The following FBXL17 variants were observed in gnomAD, a reference collection of about 807,000 sequenced individuals.
FBXL17 encodes the protein F-box and leucine rich repeat protein 17.
In FBXL17, 22 loss-of-function variants were observed where a neutral mutation model predicts 66.2. The observed-to-expected ratio is 0.33, with a 90% CI of 0.24 to 0.47. FBXL17 has a LOEUF of 0.47. Ranked by LOEUF, FBXL17 falls within the 20% of genes least tolerant of loss-of-function variation. FBXL17 has a pLI of 1.00. For missense variants in FBXL17, 878 were observed against 948.2 expected, an observed-to-expected ratio of 0.93 and a Z score of 0.97; for synonymous variants, 474 against 400.5, an observed-to-expected ratio of 1.18 and a Z score of -2.19.
intron 4 of FBXL17, among the ~76,000 whole-genome samples, chr5:108,265,528 G>A (rs1317147781): frequency 2.6e-5 from 4 of 151,912 alleles, no homozygotes; most frequent in Non-Finnish European, 4.4e-5. Flanking sequence ...GATTTCCAAT[G>A]TTCAACTGTA....
chr5:108,219,629 G>A lies in FBXL17; in HGVS notation c.1614+4492C>T, dbSNP rs927462894. ...TTGAACCCGAGAGGTGGAGGTTGCA[G>A]TGAGCCAAGATCCCATTACACTCCA... is the stretch of plus-strand genomic sequence containing the variant. On this transcript the variant is annotated intron_variant, in intron 5 of 8. Transcript: ENST00000542267. Among the ~76,000 whole-genome samples, 3 of 152,082 alleles carry A rather than the reference G, an allele frequency of 2.0e-5. No homozygotes were observed. In the East Asian group the frequency reaches 5.8e-4, roughly 29 times the overall value.
chr5:108,066,343 C>T (rs1278172575), intron 6 of FBXL17, among the ~76,000 whole-genome samples: 1 of 152,090 alleles, frequency 6.6e-6, no homozygotes, highest in Non-Finnish European at 1.5e-5. Flanking sequence ...TAAACGCCCA[C>T]ATTAGCATTG....
chr5:108,208,149 C>A (rs1394281404), intron 5 of FBXL17, among the ~76,000 whole-genome samples: 2 of 152,278 alleles, frequency 1.3e-5, no homozygotes, highest in Middle Eastern at 3.4e-3. Flanking sequence ...TATTTGCCCA[C>A]TTTTTGATGG....
chr5:108,203,425 A>G (rs1430070343), intron 5 of FBXL17, among the ~76,000 whole-genome samples: 1 of 152,152 alleles, frequency 6.6e-6, no homozygotes, highest in Non-Finnish European at 1.5e-5. Flanking sequence ...CAATTAATGG[A>G]TCACATCAGG....
At chr5:108,141,802 T>C (rs1297011906) in intron 6 of FBXL17, among the ~76,000 whole-genome samples, 1 of 152,214 alleles carries the variant, frequency 6.6e-6, no homozygotes, top group Non-Finnish European at 1.5e-5. Flanking sequence ...GCCCCAGGCC[T>C]GCACTGCTCT....
At chr5:108,152,272 C>T (rs1751801778) in intron 6 of FBXL17, among the ~76,000 whole-genome samples, 1 of 152,164 alleles carries the variant, frequency 6.6e-6, no homozygotes, top group Admixed American at 6.5e-5. Flanking sequence ...ATTAACGCTG[C>T]TGTTGTTTGA....
intron 7 of FBXL17, among the ~76,000 whole-genome samples, chr5:107,924,348 A>T (rs1391947756): frequency 3.3e-5 from 5 of 152,220 alleles, no homozygotes; most frequent in Admixed American, 3.3e-4. Flanking sequence ...AGAGAGCCAT[A>T]TACATTTCTA....
At chr5:107,991,572 G>A (rs878967516) in intron 7 of FBXL17, among the ~76,000 whole-genome samples, 14 of 152,278 alleles carry the variant, frequency 9.2e-5, no homozygotes, top group African/African-American at 3.1e-4. Context: ...GGAGTGTCAG[G>A]AAGAAAGATT....
chr5:107,990,247 T>A (rs868126682), intron 7 of FBXL17, among the ~76,000 whole-genome samples: 1 of 152,128 alleles, frequency 6.6e-6, no homozygotes, highest in African/African-American at 2.4e-5. Context: ...TCTGGGATAG[T>A]AGGGATGGGT....
intron 4 of FBXL17, among the ~76,000 whole-genome samples, chr5:108,310,416 T>A (rs111815583): frequency 9.2e-5 from 14 of 152,290 alleles, no homozygotes; most frequent in African/African-American, 3.4e-4. Context: ...ATGTTTTTAA[T>A]CTTCTGTCCC....
chr5:107,977,751 G>C (rs1752637175), intron 7 of FBXL17, among the ~76,000 whole-genome samples: 1 of 152,138 alleles, frequency 6.6e-6, no homozygotes, highest in Non-Finnish European at 1.5e-5. Context: ...ATCAGATAAT[G>C]ACTAGATAAA....
intron 6 of FBXL17, among the ~76,000 whole-genome samples, chr5:108,123,286 C>T (rs1750575183): frequency 6.6e-6 from 1 of 151,968 alleles, no homozygotes; most frequent in Non-Finnish European, 1.5e-5. Context: ...GTGCATTAGA[C>T]TGTCAATTTT....
intron 6 of FBXL17, among the ~76,000 whole-genome samples, chr5:108,069,764 G>A (rs1748258145): frequency 6.6e-6 from 1 of 152,172 alleles, no homozygotes; most frequent in Admixed American, 6.5e-5. Flanking sequence ...AGAAATAAGA[G>A]CTGACAACTC....
At chr5:107,883,993 C>T (rs184065283) in intron 7 of FBXL17, among the ~76,000 whole-genome samples, 5 of 152,216 alleles carry the variant, frequency 3.3e-5, no homozygotes, top group Admixed American at 1.3e-4. Context: ...AGGTATTCTA[C>T]GTGGCTGAAG....
intron 5 of FBXL17, among the ~76,000 whole-genome samples, chr5:108,218,650 G>A (rs866680309): frequency 6.6e-6 from 1 of 151,710 alleles, no homozygotes; most frequent in Admixed American, 6.6e-5. Flanking sequence ...ATCTCATTGT[G>A]GTTTTAATTT....
intron 7 of FBXL17, among the ~76,000 whole-genome samples, chr5:107,916,910 C>T (rs1363721360): frequency 6.6e-6 from 1 of 152,172 alleles, no homozygotes; most frequent in Non-Finnish European, 1.5e-5. Flanking sequence ...TTCTTAGTAA[C>T]ATGCTAAAAA....
At chr5:108,024,827 T>C (rs1754734837) in intron 6 of FBXL17, among the ~76,000 whole-genome samples, 1 of 152,178 alleles carries the variant, frequency 6.6e-6, no homozygotes, top group African/African-American at 2.4e-5. Context: ...GAAAGGTTAC[T>C]TTGGTAAGCT....
intron 7 of FBXL17, among the ~76,000 whole-genome samples, chr5:108,015,228 A>G (rs559591093): frequency 4.6e-5 from 7 of 152,342 alleles, no homozygotes; most frequent in African/African-American, 1.7e-4. Context: ...AAACAAGGGA[A>G]ATTTGCAAGC....
intron 4 of FBXL17, among the ~76,000 whole-genome samples, chr5:108,285,476 T>C (rs1443913968): frequency 2.0e-5 from 3 of 151,872 alleles, no homozygotes; most frequent in East Asian, 1.9e-4. Flanking sequence ...AAATTACTCC[T>C]TAATCCACAG....
Sources: gnomAD v4.1 joint callset for allele counts (sites outside exome capture counted in the v4.1 genomes callset) on GRCh38, gnomAD v4.1.1 for gene constraint, MANE v1.5 for transcripts, NCBI Gene and HGNC (gene_info 2026-07-23, HGNC 2026-07-21) for gene names.